Variants in RPL31 observed in about 807,000 individuals in gnomAD.
RPL31 encodes the protein ribosomal protein L31.
For synonymous variants in RPL31, 51 were observed against 55.0 expected, an observed-to-expected ratio of 0.93 and a Z score of 0.32; for missense variants, 95 against 164.0, an observed-to-expected ratio of 0.58 and a Z score of 2.30.
intron 4 of RPL31, among the ~76,000 whole-genome samples, chr2:101,012,978 C>G (rs888590669): frequency 6.6e-6 from 1 of 152,150 alleles, no homozygotes; most frequent in Admixed American, 6.5e-5. Flanking sequence ...CTGGGGCAGT[C>G]AGGATGGAAA....
At chr2:101,008,811 TAA>T (rs34291098), downstream of RPL31, among the ~76,000 whole-genome samples, 12 of 145,784 alleles carry the variant, frequency 8.2e-5, no homozygotes, top group East Asian at 6.1e-4. Context: ...AACTTTGTCT[TAA>T]AAAAAAAAAA....
chr2:101,008,259 C>A, downstream of RPL31: 1 of 1,539,184 alleles, frequency 6.5e-7, no homozygotes, highest in South Asian at 1.3e-5. Context: ...TTTTACAGAA[C>A]TGGATAAATT....
In RPL31 at chr2:101,006,526, T is replaced by A; in HGVS notation, c.*145T>A. The A allele has an allele frequency of 1.3e-6, 1 of 743,700 alleles. No individual in the cohort carries two copies. The highest frequency in any genetic ancestry group is 2.2e-5 in the South Asian group (1 of 45,060). The allele number at this position is 743,700 out of a possible 1,614,324, so 46.1% of individuals were successfully genotyped here. ...CCCAAATTGATGGCCTGTGCTGCCT[T>A]CTCCCCATCCCCTGGGGTTTTAAAG... On this transcript the variant is annotated 3_prime_UTR_variant, in exon 5 of 5. Coordinates refer to ENST00000264258, the MANE Select transcript of RPL31 (RefSeq NM_000993.5).
downstream of RPL31, chr2:101,007,768 T>C (rs1184570314): frequency 6.4e-7 from 1 of 1,552,546 alleles, no homozygotes; most frequent in Non-Finnish European, 8.8e-7. Context: ...AGAAACAGTC[T>C]GGTTCGTGCT....
At chr2:101,019,290 A>G (rs1679880570) in exon 5 of RPL31, 2 of 386,856 alleles carry the variant, frequency 5.2e-6, no homozygotes, top group Non-Finnish European at 9.4e-6. Flanking sequence ...TTCACATTTG[A>G]TGTAATCTCA....
chr2:101,017,743 G>A, intron 4 of RPL31: 1 of 1,133,986 alleles, frequency 8.8e-7, no homozygotes, highest in South Asian at 1.5e-5. Flanking sequence ...GGCAAGATAG[G>A]GTCAAGTGAC....
intron 3 of RPL31, 67 bp from the exon 4 acceptor site, chr2:101,005,892 A>C (rs1232637755): frequency 4.5e-6 from 6 of 1,338,724 alleles, no homozygotes; most frequent in Non-Finnish European, 4.3e-6. Flanking sequence ...AGATATGTGA[A>C]TACAGCTAGT....
intron 4 of RPL31, among the ~76,000 whole-genome samples, chr2:101,013,902 C>T (rs1679421866): frequency 6.6e-6 from 1 of 152,202 alleles, no homozygotes; most frequent in African/African-American, 2.4e-5. Context: ...TCCTCTCATC[C>T]CTCCATAGTG....
At chr2:101,004,859 A>C (rs1188372700) in intron 3 of RPL31, 2 of 152,590 alleles carry the variant, frequency 1.3e-5, no homozygotes, top group Non-Finnish European at 2.9e-5. Flanking sequence ...TCTAAAGTGG[A>C]ACCAGAAAGC....
At position 101,006,274 on chromosome 2, in the gene RPL31, C is replaced by T. The variant is rs368714653; in HGVS notation, c.347-76C>T. The stretch of plus-strand genomic sequence containing the variant: ...TTGTGGAAAATAGAATGCCCAGACC[C>T]GTCTACAAAAGGTTTTTAGAGTTGA... On this transcript the variant is annotated intron_variant, in intron 4 of 4. Transcript: ENST00000264258. 102 of 1,572,722 alleles carry T rather than the reference C, an allele frequency of 6.5e-5. 2 individuals carry two copies. The South Asian group carries it at 1.1e-3, about 16-fold the overall frequency.
rs141861369 is a variant in RPL31 at position 101,017,920 on chromosome 2, A to G, written c.347-1078A>G. On this transcript the variant is annotated intron_variant, in intron 4 of 4. Coordinates refer to the RPL31 transcript ENST00000409028. Reference sequence around the variant, plus strand: ...ACCATCAGTGAGAAACCGAACAAGAAGAGGAAAGCAAATGGCATTTTCTTC... The same window carrying G: ...ACCATCAGTGAGAAACCGAACAAGAGGAGGAAAGCAAATGGCATTTTCTTC... 7,455 of 1,550,870 alleles carry G rather than the reference A, an allele frequency of 4.8e-3. 315 individuals are homozygous for G. In the Admixed American group the frequency reaches 0.094, roughly 20 times the overall value.
downstream of RPL31, chr2:101,011,071 C>A (rs1376656538): frequency 3.2e-6 from 5 of 1,576,954 alleles, no homozygotes; most frequent in Admixed American, 1.7e-5. Flanking sequence ...TAAATAAATT[C>A]AGTGACAGCA....
chr2:101,012,769 T>C (rs1679325282), intron 4 of RPL31, among the ~76,000 whole-genome samples: 1 of 152,230 alleles, frequency 6.6e-6, no homozygotes, highest in African/African-American at 2.4e-5. Context: ...GTTTGGAACT[T>C]ATTCGTAAAC....
At chr2:101,010,123 A>G (rs1177166907), downstream of RPL31, among the ~76,000 whole-genome samples, 1 of 152,110 alleles carries the variant, frequency 6.6e-6, no homozygotes, top group East Asian at 1.9e-4. Context: ...AAAAAGGAGC[A>G]TTTTTAACTT....
At chr2:101,004,405 AAT>A in intron 3 of RPL31, 122 bp downstream of exon 3, 1 of 1,047,468 alleles carries the variant, frequency 9.5e-7, no homozygotes, top group Non-Finnish European at 1.4e-6. Context: ...AAAAAAAAAA[AAT>A]ACTGTGACCG....
At chr2:101,002,834 GTCTCGAAC>G (rs1262999843) in intron 2 of RPL31, 26 bp downstream of exon 2, 3 of 1,551,668 alleles carry the variant, frequency 1.9e-6, no homozygotes, top group Non-Finnish European at 2.7e-6. Flanking sequence ...GCCGCCCTGG[GTCTCGAAC>G]TCACGCGTCT....
At chr2:101,011,665 G>C (rs990331365), downstream of RPL31, 6 of 951,632 alleles carry the variant, frequency 6.3e-6, no homozygotes, top group Middle Eastern at 2.1e-4. Context: ...TGTAGTTTTT[G>C]CAGGGTCCAC....
chr2:101,006,065 T>C lies in RPL31; in HGVS notation c.340T>C (p.Phe114Leu). Residue 114 changes from phenylalanine (F) to leucine (L), a missense_variant, in exon 4 of 5, where the codon TTC becomes CTC. By Grantham distance (22) the Phe-to-Leu change is conservative. Coordinates refer to ENST00000264258, the MANE Select transcript of RPL31 (RefSeq NM_000993.5). ...GGTTACCTATGTACCTGTTACCACT[T>C]TCAAAAGTAAGTTCTCCATCCCATA... Reference protein sequence around the residue: ...TLVTYVPVTTFKNLQTVNVDE... With the variant: ...TLVTYVPVTTLKNLQTVNVDE... 1 of 1,613,110 alleles carries C rather than the reference T, an allele frequency of 6.2e-7. No individual in the cohort carries two copies. Among genetic ancestry groups the C allele is most frequent in the South Asian group, 1.1e-5 (1 of 90,808 alleles).
rs1678706790 is a variant in RPL31 at position 101,005,771 on chromosome 2, G to C, written c.234-188G>C. The C allele has an allele frequency of 1.8e-5, 11 of 599,224 alleles. No individual in the cohort carries two copies. The South Asian group carries it at 2.3e-4, about 12-fold the overall frequency. 37.1% of individuals were successfully genotyped at this position (599,224 alleles called of 1,614,324 possible). On this transcript the variant is annotated intron_variant, in intron 3 of 4. Coordinates refer to ENST00000264258, the MANE Select transcript of RPL31 (RefSeq NM_000993.5). ...ATGTCTTCAAACAAGCATCCCTCCT[G>C]TGGTAACAGCATTTAATGTTCACCT...
Sources: gnomAD v4.1 joint callset for allele counts (sites outside exome capture counted in the v4.1 genomes callset) on GRCh38, gnomAD v4.1.1 for gene constraint, MANE v1.5 for transcripts, NCBI Gene and HGNC (gene_info 2026-07-23, HGNC 2026-07-21) for gene names.